The following ST6GALNAC5 variants were observed in gnomAD, a reference collection of about 807,000 sequenced individuals.
The protein encoded by ST6GALNAC5 is alpha-N-acetylgalactosaminide alpha-2,6-sialyltransferase 5.
A neutral mutation model predicts 33.6 loss-of-function variants in ST6GALNAC5; 27 were observed. That is an observed-to-expected ratio of 0.80 (90% CI 0.59 to 1.11). The LOEUF (loss-of-function observed/expected upper bound fraction) is 1.11. Among genes scored for constraint, ST6GALNAC5 ranks in the 50% least tolerant of loss-of-function variants. ST6GALNAC5 has a pLI of 0.00. For synonymous variants in ST6GALNAC5, 194 were observed against 171.2 expected, an observed-to-expected ratio of 1.13 and a Z score of -1.04; for missense variants, 428 against 454.0, an observed-to-expected ratio of 0.94 and a Z score of 0.52.
intron 2 of ST6GALNAC5, among the ~76,000 whole-genome samples, chr1:76,945,512 G>A (rs1344335279): frequency 2.6e-5 from 4 of 151,956 alleles, no homozygotes; most frequent in African/African-American, 9.7e-5. Context: ...AGACTTTCAT[G>A]TTCTACATTG....
intron 2 of ST6GALNAC5, among the ~76,000 whole-genome samples, chr1:76,980,500 T>C (rs533874551): frequency 6.8e-4 from 104 of 152,348 alleles, no homozygotes; most frequent in African/African-American, 2.4e-3. Flanking sequence ...TCAATTAGAC[T>C]ATATCTATGT....
intron 2 of ST6GALNAC5, among the ~76,000 whole-genome samples, chr1:76,962,192 TGAGGAA>T (rs1208162732): frequency 6.6e-6 from 1 of 152,196 alleles, no homozygotes; most frequent in Non-Finnish European, 1.5e-5. Flanking sequence ...AGATGAAAGT[TGAGGAA>T]GAAGATTGAA....
At chr1:76,911,983 C>T (rs770897311) in intron 2 of ST6GALNAC5, among the ~76,000 whole-genome samples, 13 of 152,010 alleles carry the variant, frequency 8.6e-5, no homozygotes, top group Non-Finnish European at 1.9e-4. Context: ...AATGTGTTCG[C>T]CCTTGCTTTT....
chr1:76,968,854 G>T (rs1344028412), intron 2 of ST6GALNAC5, among the ~76,000 whole-genome samples: 4 of 152,154 alleles, frequency 2.6e-5, no homozygotes, highest in African/African-American at 9.7e-5. Context: ...AGTTTGGCTG[G>T]ATATGAAATT....
intron 2 of ST6GALNAC5, among the ~76,000 whole-genome samples, chr1:76,873,335 C>A (rs556311614): frequency 1.1e-4 from 16 of 152,342 alleles, no homozygotes; most frequent in South Asian, 8.3e-4. Flanking sequence ...TAACACTTAA[C>A]AATATCTGAA....
chr1:76,892,899 C>A (rs4949753), intron 2 of ST6GALNAC5, among the ~76,000 whole-genome samples: 52,902 of 151,948 alleles, frequency 0.35, 10,366 homozygotes, highest in Non-Finnish European at 0.44. Flanking sequence ...TAGCCAGGGC[C>A]TCTAGCTGCT....
chr1:77,044,459 C>T lies in ST6GALNAC5; in HGVS notation c.517C>T (p.Pro173Ser), dbSNP rs111715869. 1.2e-6 allele frequency: 2 copies of T among 1,613,200 alleles called. No homozygotes were observed. Among genetic ancestry groups the T allele is most frequent in the Admixed American group, 3.3e-5 (2 of 59,950 alleles). Reference protein sequence around the residue: ...SQGTVFIFWGPSSYMRRDGKG... With the variant: ...SQGTVFIFWGSSSYMRRDGKG... ...GGGCACCGTGTTCATCTTCTGGGGC[C>T]CCAGCAGCTACATGCGGCGGGACGG... Residue 173 changes from proline (P) to serine (S), a missense_variant, in exon 3 of 5, where the codon CCC becomes TCC. Physicochemically the swap from Pro to Ser is moderately conservative, Grantham distance 74. Transcript: ENST00000477717.
In ST6GALNAC5 at chr1:77,064,949, A is replaced by G. The variant is rs368435944; in HGVS notation, c.*1743A>G. On this transcript the variant is annotated 3_prime_UTR_variant, in exon 5 of 5. Transcript: ENST00000477717. ...ATGCAAACACAATCAGGGTACTCACATAACATAAACAAAGTTGATATTGAT... is the reference window on the plus strand; with the variant it reads ...ATGCAAACACAATCAGGGTACTCACGTAACATAAACAAAGTTGATATTGAT... 2.6e-5 allele frequency: 4 copies of G among 152,342 alleles called. No individual in the cohort carries two copies. Among genetic ancestry groups the G allele is most frequent in the South Asian group, 4.1e-4 (2 of 4,828 alleles). The allele number at this position is 152,342 out of a possible 1,614,324, so 9.4% of individuals were successfully genotyped here. A position where few individuals can be genotyped will look rare whatever the true frequency, so the allele number is the denominator to read the frequency against.
At chr1:77,019,164 GGT>G (rs1650960830) in intron 2 of ST6GALNAC5, among the ~76,000 whole-genome samples, 1 of 152,194 alleles carries the variant, frequency 6.6e-6, no homozygotes. Flanking sequence ...TCTTCCCAAA[GGT>G]CATTTGTTGC....
At chr1:77,042,928 G>C (rs1042855940) in intron 2 of ST6GALNAC5, among the ~76,000 whole-genome samples, 3 of 152,158 alleles carry the variant, frequency 2.0e-5, no homozygotes, top group Non-Finnish European at 4.4e-5. Context: ...GGCCCATCCT[G>C]CTACATCCCA....
intron 2 of ST6GALNAC5, among the ~76,000 whole-genome samples, chr1:76,873,354 A>C (rs1653553182): frequency 6.6e-6 from 1 of 152,196 alleles, no homozygotes; most frequent in African/African-American, 2.4e-5. Context: ...AAATAATCTT[A>C]AAGTTTATTT....
At chr1:77,038,253 A>C (rs1651721615) in intron 2 of ST6GALNAC5, among the ~76,000 whole-genome samples, 1 of 152,198 alleles carries the variant, frequency 6.6e-6, no homozygotes, top group African/African-American at 2.4e-5. Context: ...GTCATAGAAC[A>C]AAAAAGAAAG....
intron 2 of ST6GALNAC5, among the ~76,000 whole-genome samples, chr1:76,915,884 A>AC (rs1310274998): frequency 7.7e-6 from 1 of 130,480 alleles, no homozygotes; most frequent in Admixed American, 7.5e-5. Context: ...ACAAAAAAAA[A>AC]ACAAAAAAAC....
intron 2 of ST6GALNAC5, among the ~76,000 whole-genome samples, chr1:76,874,096 G>C (rs1653571974): frequency 1.3e-5 from 2 of 152,142 alleles, no homozygotes; most frequent in Non-Finnish European, 2.9e-5. Flanking sequence ...TATAAAACAA[G>C]TTAAATTCTA....
chr1:76,996,886 G>A (rs1357823133), intron 2 of ST6GALNAC5, among the ~76,000 whole-genome samples: 2 of 152,174 alleles, frequency 1.3e-5, no homozygotes, highest in Admixed American at 6.6e-5. Context: ...GATCCTCAGA[G>A]ATGAAAGGGG....
At chr1:77,038,395 G>A (rs922299050) in intron 2 of ST6GALNAC5, among the ~76,000 whole-genome samples, 3 of 152,204 alleles carry the variant, frequency 2.0e-5, no homozygotes, top group African/African-American at 7.2e-5. Context: ...ACATCAGATT[G>A]GAAAGTACAG....
rs140321278 is a variant in ST6GALNAC5, at chr1:76,959,060, T to G, written c.262-85144T>G. 4.2e-3 allele frequency among the ~76,000 whole-genome samples: 636 copies of G among 152,284 alleles called. 4 individuals are homozygous for G. The highest frequency in any genetic ancestry group is 0.014 in the African/African-American group (578 of 41,552). The stretch of plus-strand genomic sequence containing the variant: ...CTGACTTTCGGCTCCAGCAAGGCCT[T>G]CAGCGCTGGCTCTGCAGGTGTCAGA... On this transcript the variant is annotated intron_variant, in intron 2 of 4. Transcript: ENST00000477717.
chr1:77,044,343 A>T lies in ST6GALNAC5; in HGVS notation c.401A>T (p.Asp134Val). The change falls in exon 3 of 5, where the codon GAC becomes GTC. Residue 134 changes from aspartate to valine, a missense_variant. Asp to Val is a radical substitution (Grantham distance 152). Coordinates refer to ENST00000477717, the MANE Select transcript of ST6GALNAC5 (RefSeq NM_030965.3). ...NDAPTRGYGR[D>V]VGNRTSLRVI... ...GCCCCCACACGCGGCTATGGGCGTG[A>T]CGTGGGCAATCGCACCAGCCTGAGG... 6.2e-7 allele frequency: 1 copy of T among 1,613,966 alleles called. No individual in the cohort carries two copies. The highest frequency in any genetic ancestry group is 1.7e-5 in the Admixed American group (1 of 60,018).
chr1:76,980,688 AC>A (rs1223869419), intron 2 of ST6GALNAC5, among the ~76,000 whole-genome samples: 7 of 152,166 alleles, frequency 4.6e-5, no homozygotes, highest in Non-Finnish European at 1.5e-5. Context: ...AGGGAATGGA[AC>A]CACCTTTCCA....
Sources: allele counts gnomAD v4.1 joint callset (sites outside exome capture counted in the v4.1 genomes callset), GRCh38; gene constraint gnomAD v4.1.1; transcripts MANE v1.5; gene names NCBI Gene and HGNC (gene_info 2026-07-23, HGNC 2026-07-21).